The following LRRC28 variants were observed in gnomAD, a reference collection of about 807,000 sequenced individuals.
The protein encoded by LRRC28 is leucine rich repeat containing 28, also known as leucine-rich repeat-containing protein 28.
In LRRC28, 39 loss-of-function variants were observed where a neutral mutation model predicts 45.7. The observed-to-expected ratio is 0.85, with a 90% CI of 0.66 to 1.12. LRRC28 has a LOEUF of 1.12. Ranked by LOEUF, LRRC28 falls within the 50% of genes most tolerant of loss-of-function variation. The pLI is 0.00. For synonymous variants in LRRC28, 206 were observed against 178.8 expected, an observed-to-expected ratio of 1.15 and a Z score of -1.22; for missense variants, 435 against 438.5, an observed-to-expected ratio of 0.99 and a Z score of 0.07.
chr15:99,368,424 T>C (rs1167032226), intron 9 of LRRC28, among the ~76,000 whole-genome samples: 4 of 152,190 alleles, frequency 2.6e-5, no homozygotes, highest in African/African-American at 7.2e-5. Flanking sequence ...GAAATTCCAT[T>C]AGATTTTAAG....
intron 9 of LRRC28, among the ~76,000 whole-genome samples, chr15:99,380,043 T>TC (rs534856587): frequency 7.6e-4 from 116 of 152,368 alleles, no homozygotes; most frequent in East Asian, 5.0e-3. Flanking sequence ...TCTGTAGATG[T>TC]CTATTAGATC....
chr15:99,259,466 C>G lies in LRRC28; in HGVS notation c.168+3341C>G, dbSNP rs1274529360. 3 of 1,197,838 alleles carry G rather than the reference C, an allele frequency of 2.5e-6. No individual in the cohort carries two copies. The African/African-American group carries it at 4.5e-5, about 18-fold the overall frequency. 74.2% of individuals were successfully genotyped at this position (1,197,838 alleles called of 1,614,324 possible). ...AGCAGTTGAGAAAGAATTTGAGCCT[C>G]TGCCCAATTGGGTGAAAGATAAAGC... is the stretch of plus-strand genomic sequence containing the variant. On this transcript the variant is annotated intron_variant, in intron 2 of 9. Transcript: ENST00000301981.
chr15:99,298,149 C>A (rs950875017), intron 5 of LRRC28, among the ~76,000 whole-genome samples: 1 of 152,126 alleles, frequency 6.6e-6, no homozygotes, highest in Non-Finnish European at 1.5e-5. Context: ...TTCCAGGGTG[C>A]GTTCCTTTGT....
intron 3 of LRRC28, among the ~76,000 whole-genome samples, chr15:99,280,104 C>CT (rs1209040605): frequency 3.3e-5 from 5 of 151,818 alleles, no homozygotes; most frequent in Non-Finnish European, 5.9e-5. Context: ...TCATTGGCAT[C>CT]TTTTTTTGGT....
In LRRC28 at chr15:99,300,117, G is replaced by GT. The variant is rs71149460; in HGVS notation, c.385+12175dup. On this transcript the variant is annotated intron_variant, in intron 5 of 9. Coordinates refer to ENST00000301981, the MANE Select transcript of LRRC28 (RefSeq NM_144598.5). ...ACAAGACTAATATTAGTGACTTAGTGTTTTTTTTTCTTAATAACAGCAGGT... is the reference window on the plus strand; with the variant it reads ...ACAAGACTAATATTAGTGACTTAGTGTTTTTTTTTTCTTAATAACAGCAGGT... 4.4e-3 allele frequency among the ~76,000 whole-genome samples: 660 copies of GT among 149,780 alleles called. 4 individuals carry two copies. Among genetic ancestry groups the GT allele is most frequent in the African/African-American group, 0.014 (578 of 40,820 alleles).
Position 99,387,306 on chromosome 15 carries a change from C to CCA in LRRC28, c.*1204_*1205insCA, listed in dbSNP as rs1958050756. On this transcript the variant is annotated 3_prime_UTR_variant, in exon 10 of 10. Coordinates refer to ENST00000301981, the MANE Select transcript of LRRC28 (RefSeq NM_144598.5). ...CGATCTCCTGACCTCGTGATCCGCACGCCTCGGCCTCCCAAAGTGCTGGGA... is the reference window on the plus strand; with the variant it reads ...CGATCTCCTGACCTCGTGATCCGCACCAGCCTCGGCCTCCCAAAGTGCTGGGA... The CCA allele has an allele frequency of 1.3e-5, 2 of 151,862 alleles. No homozygotes were observed. Among genetic ancestry groups the CCA allele is most frequent in the African/African-American group, 2.4e-5 (1 of 41,300 alleles). The allele number at this position is 151,862 out of a possible 1,614,324, so 9.4% of individuals were successfully genotyped here. A position where few individuals can be genotyped will look rare whatever the true frequency, so the allele number is the denominator to read the frequency against.
chr15:99,387,461 ATACTT>A lies in LRRC28; in HGVS notation c.*1360_*1364del, dbSNP rs997039180. 6.6e-6 allele frequency: 1 copy of A among 152,148 alleles called. No individual in the cohort carries two copies. The highest frequency in any genetic ancestry group is 2.4e-5 in the African/African-American group (1 of 41,420). 9.4% of individuals were successfully genotyped at this position (152,148 alleles called of 1,614,324 possible). ...CTTCATGTTGGCCCTCGTTTCTTGT[ATACTT>A]AGCTTACTGCCCAGATGCAACTGAG... On this transcript the variant is annotated 3_prime_UTR_variant, in exon 10 of 10. Transcript: ENST00000301981.
chr15:99,331,125 C>A (rs758702751), intron 5 of LRRC28, among the ~76,000 whole-genome samples: 6 of 152,028 alleles, frequency 3.9e-5, no homozygotes, highest in Non-Finnish European at 8.8e-5. Flanking sequence ...AAGTGCAAGC[C>A]TTAGTAATTT....
rs375152645 is a variant in LRRC28 at position 99,334,034 on chromosome 15, G to A, written c.497G>A (p.Arg166Gln). 1.2e-6 allele frequency: 2 copies of A among 1,614,100 alleles called. No homozygotes were observed. The highest frequency in any genetic ancestry group is 1.7e-5 in the Admixed American group (1 of 59,992). The change falls in exon 6 of 10, where the codon CGA becomes CAA. Residue 166 changes from arginine (R) to glutamine (Q), a missense_variant. Coordinates refer to ENST00000301981, the MANE Select transcript of LRRC28 (RefSeq NM_144598.5). ...CLSLQYLTVD[R>Q]NRLWYVPRHL... is the part of the protein sequence containing the mutation. ...TCTCTGCAGTACCTCACTGTGGACC[G>A]AAATCGTCTATGGTATGTGCCGCGC...
Position 99,260,167 on chromosome 15 carries a change from G to T in LRRC28, c.168+4042G>T, listed in dbSNP as rs1428272298. ...GTGGGATTATGGGTTACAAGAAGAAGTGGGTTTTTTAGTTGATTTTTTTTA... is the reference window on the plus strand; with the variant it reads ...GTGGGATTATGGGTTACAAGAAGAATTGGGTTTTTTAGTTGATTTTTTTTA... On this transcript the variant is annotated intron_variant, in intron 2 of 9. Transcript: ENST00000301981. Among the ~76,000 whole-genome samples, 3 of 152,294 alleles carry T rather than the reference G, an allele frequency of 2.0e-5. No individual in the cohort carries two copies. In the East Asian group the frequency reaches 5.8e-4, roughly 29 times the overall value.
At chr15:99,385,104 C>T (rs141443758) in intron 9 of LRRC28, among the ~76,000 whole-genome samples, 12 of 152,262 alleles carry the variant, frequency 7.9e-5, no homozygotes, top group African/African-American at 2.2e-4. Context: ...GCAAAGGGGG[C>T]CTGCCTGATA....
chr15:99,350,241 T>C (rs1377845352), intron 6 of LRRC28, among the ~76,000 whole-genome samples: 1 of 152,212 alleles, frequency 6.6e-6, no homozygotes, highest in Non-Finnish European at 1.5e-5. Flanking sequence ...GATGTTTTGC[T>C]TCCTATGGGG....
intron 9 of LRRC28, among the ~76,000 whole-genome samples, chr15:99,383,036 G>T (rs573132591): frequency 6.6e-6 from 1 of 151,970 alleles, no homozygotes; most frequent in African/African-American, 2.4e-5. Flanking sequence ...TACATTCAGC[G>T]ATATGCGCAA....
At chr15:99,251,825 G>C (rs1004712188) in intron 1 of LRRC28, 2 of 152,210 alleles carry the variant, frequency 1.3e-5, no homozygotes, top group Non-Finnish European at 2.9e-5. Flanking sequence ...TGGCTAACTC[G>C]GGCGAAACGG....
chr15:99,363,145 T>C lies in LRRC28; in HGVS notation c.911T>C (p.Leu304Pro), dbSNP rs189256575. 5 of 1,613,954 alleles carry C rather than the reference T, an allele frequency of 3.1e-6. No homozygotes were observed. In the East Asian group the frequency reaches 1.1e-4, roughly 36 times the overall value. ...TCTCCAATCTCATTACCCAGAAGTC[T>C]CCTAGAGCTGCTGCACTGCCCTCTG... is the stretch of plus-strand genomic sequence containing the variant. ...FLSPISLPRS[L>P]LELLHCPLGH... is the part of the protein sequence containing the mutation. The change falls in exon 9 of 10, where the codon CTC becomes CCC. Residue 304 changes from leucine (L) to proline (P), a missense_variant. Coordinates refer to ENST00000301981, the MANE Select transcript of LRRC28 (RefSeq NM_144598.5).
chr15:99,285,206 C>A, intron 3 of LRRC28: 1 of 730,684 alleles, frequency 1.4e-6, no homozygotes, highest in South Asian at 1.3e-5. Context: ...CCATACTGTT[C>A]AAAATAATCT....
chr15:99,292,082 C>T lies in LRRC28; in HGVS notation c.385+4131C>T, dbSNP rs113459302. Among the ~76,000 whole-genome samples the T allele has an allele frequency of 1.2e-4, 19 of 152,262 alleles. 3 individuals carry two copies. Among genetic ancestry groups the T allele is most frequent in the African/African-American group, 4.1e-4 (17 of 41,546 alleles). On this transcript the variant is annotated intron_variant, in intron 5 of 9. Transcript: ENST00000301981. ...GTTTGGCTTCTGACTTTCTGTGCCT[C>T]GAGAGCTCTTTGAGTCCTGCTGCTC...
At position 99,387,272 on chromosome 15, in the gene LRRC28, G is replaced by A. The variant is rs1004264494; in HGVS notation, c.*1170G>A. The A allele has an allele frequency of 1.3e-5, 2 of 151,606 alleles. No individual in the cohort carries two copies. Among genetic ancestry groups the A allele is most frequent in the Non-Finnish European group, 2.9e-5 (2 of 67,892 alleles). The allele number at this position is 151,606 out of a possible 1,614,324, so 9.4% of individuals were successfully genotyped here. ...AGACGGGGTTTCACCGTGTTAGCCGGGATGGTCTCGATCTCCTGACCTCGT... is the reference window on the plus strand; with the variant it reads ...AGACGGGGTTTCACCGTGTTAGCCGAGATGGTCTCGATCTCCTGACCTCGT... On this transcript the variant is annotated 3_prime_UTR_variant, in exon 10 of 10. Transcript: ENST00000301981.
chr15:99,345,455 C>G (rs895435554), intron 6 of LRRC28, among the ~76,000 whole-genome samples: 1 of 151,858 alleles, frequency 6.6e-6, no homozygotes, highest in Non-Finnish European at 1.5e-5. Flanking sequence ...TACCTGTTGG[C>G]CTTTCATATA....
Sources: gnomAD v4.1 joint callset for allele counts (sites outside exome capture counted in the v4.1 genomes callset) on GRCh38, gnomAD v4.1.1 for gene constraint, MANE v1.5 for transcripts, NCBI Gene and HGNC (gene_info 2026-07-23, HGNC 2026-07-21) for gene names.